The following ZFR variants were observed in gnomAD, a reference collection of about 807,000 sequenced individuals.
ZFR encodes zinc finger RNA-binding protein.
Under a neutral mutation model 130.7 loss-of-function variants are expected in ZFR, and 19 were observed. That is an observed-to-expected ratio of 0.15 (90% CI 0.10 to 0.21). The LOEUF (loss-of-function observed/expected upper bound fraction) is 0.21, where lower values mean the gene tolerates loss of function less well. Among genes scored for constraint, ZFR ranks in the 10% least tolerant of loss-of-function variants. The pLI, the probability that ZFR is intolerant of heterozygous loss-of-function variation, is 1.00. For missense variants in ZFR, 872 were observed against 1,321.5 expected, an observed-to-expected ratio of 0.66 and a Z score of 5.27; for synonymous variants, 466 against 456.9, an observed-to-expected ratio of 1.02 and a Z score of -0.25.
chr5:32,375,140 T>C (rs1752770376), intron 17 of ZFR, among the ~76,000 whole-genome samples: 1 of 152,178 alleles, frequency 6.6e-6, no homozygotes, highest in Admixed American at 6.5e-5. Flanking sequence ...ATTCCCAGAA[T>C]GCAAAGGTAG....
At chr5:32,440,552 C>A (rs1338057774) in intron 2 of ZFR, among the ~76,000 whole-genome samples, 1 of 151,796 alleles carries the variant, frequency 6.6e-6, no homozygotes, top group Non-Finnish European at 1.5e-5. Flanking sequence ...GAGGCTGAGG[C>A]AGGAGAATCA....
chr5:32,432,922 T>C (rs1754255401), intron 2 of ZFR, among the ~76,000 whole-genome samples: 1 of 151,014 alleles, frequency 6.6e-6, no homozygotes, highest in Non-Finnish European at 1.5e-5. Context: ...TAAACAGAGA[T>C]GAGGTCTTGC....
chr5:32,432,117 G>C lies in ZFR; in HGVS notation c.138-12014C>G, dbSNP rs145904268. 7.8e-3 allele frequency among the ~76,000 whole-genome samples: 1,189 copies of C among 151,924 alleles called. 15 individuals are homozygous for C. The highest frequency in any genetic ancestry group is 0.027 in the African/African-American group (1,121 of 41,418). ...AGCGATCCACCCACCTCAGCCTCCT[G>C]AGTAGCTGGGACCACAGAAACCTGC... On this transcript the variant is annotated intron_variant, in intron 2 of 19. Coordinates refer to ENST00000265069, the MANE Select transcript of ZFR (RefSeq NM_016107.5).
chr5:32,367,204 T>C (rs1469308814), intron 17 of ZFR, among the ~76,000 whole-genome samples: 5 of 151,984 alleles, frequency 3.3e-5, no homozygotes, highest in African/African-American at 7.2e-5. Flanking sequence ...GAGGTCAAGG[T>C]GGGTGGATCA....
intron 2 of ZFR, among the ~76,000 whole-genome samples, chr5:32,430,148 C>A: frequency 7.1e-6 from 1 of 141,784 alleles, no homozygotes; most frequent in African/African-American, 2.6e-5. Flanking sequence ...CAAAAGTGTA[C>A]AGAATTAAAA....
intron 6 of ZFR, among the ~76,000 whole-genome samples, chr5:32,405,430 CA>C (rs1414429617): frequency 6.6e-6 from 1 of 152,212 alleles, no homozygotes; most frequent in African/African-American, 2.4e-5. Flanking sequence ...AAGGTACTGA[CA>C]CTGACTTGCA....
At chr5:32,361,422 G>C (rs1045727954) in intron 19 of ZFR, among the ~76,000 whole-genome samples, 1 of 152,062 alleles carries the variant, frequency 6.6e-6, no homozygotes, top group African/African-American at 2.4e-5. Context: ...TAACTTCCCA[G>C]GTGAGAACTA....
At chr5:32,385,991 G>C (rs532432069) in intron 14 of ZFR, among the ~76,000 whole-genome samples, 1 of 152,178 alleles carries the variant, frequency 6.6e-6, no homozygotes, top group South Asian at 2.1e-4. Flanking sequence ...ATAGCTACCT[G>C]ACCTTAATAG....
At chr5:32,399,071 C>T (rs374580335) in intron 9 of ZFR, among the ~76,000 whole-genome samples, 16 of 151,846 alleles carry the variant, frequency 1.1e-4, no homozygotes, top group East Asian at 3.9e-4. Flanking sequence ...GTCAGGAGTT[C>T]GAGACCAGCC....
intron 17 of ZFR, chr5:32,364,956 T>C (rs922457937): frequency 1.3e-5 from 2 of 152,212 alleles, no homozygotes; most frequent in African/African-American, 4.8e-5. Context: ...AACATTTTCA[T>C]GATCTCCAAA....
intron 17 of ZFR, among the ~76,000 whole-genome samples, chr5:32,366,629 C>A (rs1340212432): frequency 1.3e-5 from 2 of 151,996 alleles, no homozygotes; most frequent in Non-Finnish European, 2.9e-5. Flanking sequence ...ATTCTCCAAG[C>A]ACATGTCTAC....
chr5:32,438,553 G>A (rs1196212847), intron 2 of ZFR, among the ~76,000 whole-genome samples: 17 of 151,988 alleles, frequency 1.1e-4, no homozygotes, highest in Admixed American at 5.9e-4. Context: ...ATGAGCCACC[G>A]CTCCCGGCCT....
At position 32,379,279 on chromosome 5, in the gene ZFR, A is replaced by C. The variant is rs747317318; in HGVS notation, c.2740-69T>G. On this transcript the variant is annotated intron_variant, in intron 16 of 19. Transcript: ENST00000265069. Reference sequence around the variant, plus strand: ...CTGAATATATCCCTTGATGAAAAAAAGTTAAAATACCACCGTTCAATGGAA... The same window carrying C: ...CTGAATATATCCCTTGATGAAAAAACGTTAAAATACCACCGTTCAATGGAA... 2.2e-6 allele frequency: 3 copies of C among 1,361,704 alleles called. No homozygotes were observed. The African/African-American group carries it at 4.3e-5, about 19-fold the overall frequency. The allele number at this position is 1,361,704 out of a possible 1,614,324, so 84.4% of individuals were successfully genotyped here.
intron 14 of ZFR, among the ~76,000 whole-genome samples, chr5:32,386,459 TG>T (rs1753048250): frequency 6.6e-6 from 1 of 152,140 alleles, no homozygotes; most frequent in Non-Finnish European, 1.5e-5. Flanking sequence ...TATTTAGTTA[TG>T]ATATATTCCT....
At chr5:32,408,960 T>C (rs1160553439) in intron 5 of ZFR, among the ~76,000 whole-genome samples, 2 of 152,252 alleles carry the variant, frequency 1.3e-5, no homozygotes, top group Non-Finnish European at 2.9e-5. Flanking sequence ...CCACGCATTT[T>C]AGCTCTCACC....
chr5:32,430,079 C>CAAAAAAAAAA, intron 2 of ZFR, among the ~76,000 whole-genome samples: 1 of 70,294 alleles, frequency 1.4e-5, no homozygotes, highest in Non-Finnish European at 2.6e-5. Context: ...GACCCTATTT[C>CAAAAAAAAAA]AAAAAAAAAA....
At chr5:32,370,310 G>GAGA (rs1752635555) in intron 17 of ZFR, among the ~76,000 whole-genome samples, 1 of 69,782 alleles carries the variant, frequency 1.4e-5, no homozygotes, top group African/African-American at 6.7e-5. Context: ...TGTTGTGGGG[G>GAGA]GAGAGAGAGA....
intron 2 of ZFR, among the ~76,000 whole-genome samples, chr5:32,425,724 C>T (rs1754059562): frequency 6.6e-6 from 1 of 152,200 alleles, no homozygotes; most frequent in Admixed American, 6.5e-5. Context: ...CACGGTTTCA[C>T]CATGTTGGCC....
At position 32,413,508 on chromosome 5, in the gene ZFR, T is replaced by C. The variant is rs149169314; in HGVS notation, c.784+1461A>G. Among the ~76,000 whole-genome samples, 77 of 152,048 alleles carry C rather than the reference T, an allele frequency of 5.1e-4. 1 individual carries two copies. In the East Asian group the frequency reaches 9.5e-3, roughly 19 times the overall value. The stretch of plus-strand genomic sequence containing the variant: ...TTTTTCTCTTTCTAAAAAAATAGTT[T>C]CTAATTTATAAATAATAATATATTA... On this transcript the variant is annotated intron_variant, in intron 5 of 19. Transcript: ENST00000265069.
Sources: gnomAD v4.1 joint callset for allele counts (sites outside exome capture counted in the v4.1 genomes callset) on GRCh38, gnomAD v4.1.1 for gene constraint, MANE v1.5 for transcripts, NCBI Gene and HGNC (gene_info 2026-07-23, HGNC 2026-07-21) for gene names.